The following RRAGD variants were observed in gnomAD, a reference collection of about 807,000 sequenced individuals.
RRAGD encodes the protein ras-related GTP-binding protein D.
A neutral mutation model predicts 35.5 loss-of-function variants in RRAGD; 12 were observed. The observed-to-expected ratio is 0.34, with a 90% CI of 0.22 to 0.55. The LOEUF (loss-of-function observed/expected upper bound fraction) is 0.55, where lower values mean the gene tolerates loss of function less well. Among genes scored for constraint, RRAGD ranks in the 20% least tolerant of loss-of-function variants. The pLI is 0.91. For synonymous variants in RRAGD, 155 were observed against 178.9 expected (o/e 0.87, Z 1.07); for missense variants, 324 against 490.1 (o/e 0.66, Z 3.20).
chr6:89,386,990 C>T (rs1176293933), intron 2 of RRAGD, among the ~76,000 whole-genome samples: 5 of 152,152 alleles, frequency 3.3e-5, no homozygotes, highest in Non-Finnish European at 7.3e-5. Context: ...AACCTGTGAT[C>T]TTTTGTAGAT....
chr6:89,384,108 A>T (rs950122234), intron 2 of RRAGD, among the ~76,000 whole-genome samples: 2 of 151,920 alleles, frequency 1.3e-5, no homozygotes, highest in Non-Finnish European at 2.9e-5. Context: ...TCTAAAAAAA[A>T]AAAAAAAGAA....
chr6:89,406,028 T>G (rs1361842987), intron 1 of RRAGD, among the ~76,000 whole-genome samples: 1 of 152,220 alleles, frequency 6.6e-6, no homozygotes, highest in Admixed American at 6.5e-5. Context: ...ACACATATTT[T>G]TCAAAGGCAT....
chr6:89,400,063 C>T (rs549088701), intron 1 of RRAGD, among the ~76,000 whole-genome samples: 1 of 152,278 alleles, frequency 6.6e-6, no homozygotes, highest in African/African-American at 2.4e-5. Flanking sequence ...CTGTTTGTAA[C>T]ATTTAATACT....
intron 1 of RRAGD, among the ~76,000 whole-genome samples, chr6:89,392,362 C>T (rs1459527789): frequency 6.6e-6 from 1 of 151,832 alleles, no homozygotes; most frequent in Admixed American, 6.6e-5. Flanking sequence ...CAGCTGTCAT[C>T]CCAGCCATTT....
Position 89,370,938 on chromosome 6 carries a change from A to C in RRAGD, c.1051+1499T>G, listed in dbSNP as rs1223819965. On this transcript the variant is annotated intron_variant, in intron 6 of 6. Transcript: ENST00000369415. The stretch of plus-strand genomic sequence containing the variant: ...CTAAATATTATTTCTAAATTTTCTA[A>C]AAGAATCTATTACTTTTCTGATAAA... 4.0e-5 allele frequency among the ~76,000 whole-genome samples: 6 copies of C among 151,358 alleles called. 1 individual carries two copies. Among genetic ancestry groups the C allele is most frequent in the African/African-American group, 1.4e-4 (6 of 41,526 alleles).
At position 89,411,761 on chromosome 6, in the gene RRAGD, G is replaced by A. The variant is rs1769699529; in HGVS notation, c.148+85C>T. 2.1e-6 allele frequency: 3 copies of A among 1,425,230 alleles called. No homozygotes were observed. Among genetic ancestry groups the A allele is most frequent in the Non-Finnish European group, 2.8e-6 (3 of 1,070,090 alleles). 88.3% of individuals were successfully genotyped at this position (1,425,230 alleles called of 1,614,324 possible). A position where few individuals can be genotyped will look rare whatever the true frequency, so the allele number is the denominator to read the frequency against. On this transcript the variant is annotated intron_variant, in intron 1 of 6. Coordinates refer to ENST00000369415, the MANE Select transcript of RRAGD (RefSeq NM_021244.5). This position sits in a 1 kb window ranked among gnomAD's most constrained non-coding sequence, Gnocchi z 5.6. ...CCCCTGGACCCCCTCCAAGTCGGTGGCTCGCGCACGGCCGGGCTGGGGGCG... is the reference window on the plus strand; with the variant it reads ...CCCCTGGACCCCCTCCAAGTCGGTGACTCGCGCACGGCCGGGCTGGGGGCG...
At chr6:89,397,536 G>A (rs1273134508) in intron 1 of RRAGD, among the ~76,000 whole-genome samples, 2 of 151,664 alleles carry the variant, frequency 1.3e-5, no homozygotes, top group Non-Finnish European at 2.9e-5. Context: ...CCCGGGAGGC[G>A]GAGCTTGCAG....
chr6:89,392,019 A>G (rs1769244141), intron 1 of RRAGD, among the ~76,000 whole-genome samples: 1 of 151,926 alleles, frequency 6.6e-6, no homozygotes, highest in Admixed American at 6.6e-5. Flanking sequence ...ACCTTTGTGA[A>G]TATACTAAAA....
Position 89,387,420 on chromosome 6 carries a change from T to G in RRAGD, c.319A>C (p.Asn107His). 1 of 1,614,200 alleles carries G rather than the reference T, an allele frequency of 6.2e-7. No homozygotes were observed. The change falls in exon 2 of 7, where the codon AAC (asparagine) becomes CAC (histidine). Residue 107 changes from asparagine (N) to histidine (H), a missense_variant. Transcript: ENST00000369415. Reference sequence around the variant, plus strand: ...ATCTGAAAATTGACAAAGGAGCTGTTGGAAACATCTTCCCGGCATATCTTA... The same window carrying G: ...ATCTGAAAATTGACAAAGGAGCTGTGGGAAACATCTTCCCGGCATATCTTA... ...TNKICREDVS[N>H]SSFVNFQIWD...
chr6:89,402,824 G>A (rs550368010), intron 1 of RRAGD, among the ~76,000 whole-genome samples: 31 of 152,246 alleles, frequency 2.0e-4, no homozygotes, highest in African/African-American at 7.2e-4. Context: ...TGAAAGTGAG[G>A]GCATGTTTGA....
chr6:89,400,772 C>G (rs1190451490), intron 1 of RRAGD, among the ~76,000 whole-genome samples: 1 of 152,052 alleles, frequency 6.6e-6, no homozygotes, highest in Admixed American at 6.5e-5. Context: ...TACCCTCTGC[C>G]TCAGGCTTCT....
intron 1 of RRAGD, among the ~76,000 whole-genome samples, chr6:89,405,239 AGCT>A (rs1376840272): frequency 3.3e-5 from 5 of 150,746 alleles, no homozygotes; most frequent in Admixed American, 1.3e-4. Context: ...CTGTAGTCCC[AGCT>A]GCTGGGGAGG....
At chr6:89,387,137 C>A (rs554147239) in intron 2 of RRAGD, among the ~76,000 whole-genome samples, 158 bp downstream of exon 2, 27 of 152,294 alleles carry the variant, frequency 1.8e-4, no homozygotes, top group African/African-American at 6.5e-4. Context: ...TTGGTCACGG[C>A]TGGAGCCTTT....
chr6:89,411,966 G>A lies in RRAGD; in HGVS notation c.28C>T (p.Pro10Ser). The part of the protein sequence containing the change: MSQVLGKPQ[P>S]QDEDDAEEEE... ...TCCTCCGCGTCGTCCTCGTCCTGCG[G>A]CTGCGGCTTCCCCAGCACCTGGCTC... The change falls in exon 1 of 7, where the codon CCG (proline) becomes TCG (serine). Residue 10 changes from proline to serine, a missense_variant. Pro to Ser is a moderately conservative substitution (Grantham distance 74, BLOSUM62 -1). Transcript: ENST00000369415. This position sits in a 1 kb window ranked among gnomAD's most constrained non-coding sequence, Gnocchi z 5.6. 6.5e-7 allele frequency: 1 copy of A among 1,536,966 alleles called. No individual in the cohort carries two copies.
chr6:89,391,173 C>T (rs1418492707), intron 1 of RRAGD, among the ~76,000 whole-genome samples: 1 of 151,686 alleles, frequency 6.6e-6, no homozygotes, highest in African/African-American at 2.4e-5. Flanking sequence ...TTGCTTGAGG[C>T]CAGGAGTTCA....
At chr6:89,401,774 C>T (rs1487484021) in intron 1 of RRAGD, among the ~76,000 whole-genome samples, 1 of 152,214 alleles carries the variant, frequency 6.6e-6, no homozygotes, top group Non-Finnish European at 1.5e-5. Context: ...GGCACTATCA[C>T]TTCCTGGGCC....
chr6:89,379,476 C>T (rs1769005942), intron 3 of RRAGD, 138 bp from the exon 4 acceptor site: 2 of 409,258 alleles, frequency 4.9e-6, no homozygotes, highest in Admixed American at 4.4e-5. Context: ...TCAGAATTTA[C>T]AGTGACCTCG....
At chr6:89,409,799 G>C (rs1769660087) in intron 1 of RRAGD, among the ~76,000 whole-genome samples, 1 of 152,180 alleles carries the variant, frequency 6.6e-6, no homozygotes, top group Admixed American at 6.5e-5. Context: ...AAAGAACAGA[G>C]GCCAAAATAT....
Position 89,387,557 on chromosome 6 carries a change from A to G in RRAGD, c.182T>C (p.Val61Ala), listed in dbSNP as rs1022280211. The change falls in exon 2 of 7, where the codon GTG becomes GCG. Residue 61 changes from valine (V) to alanine (A), a missense_variant. Physicochemically the swap from Val to Ala is moderately conservative, Grantham distance 64. Around this residue, in one of 5 missense-constraint regions of RRAGD, gnomAD observed 7 missense variants for 16.5 expected, o/e 0.42. Coordinates refer to ENST00000369415, the MANE Select transcript of RRAGD (RefSeq NM_021244.5). ...GCCCATGAGCAGGATTCTCGGCTTC[A>G]CTTCAGTGCTGAAGGGGTCACTGAA... ...LDFSDPFSTE[V>A]KPRILLMGLR... 2 of 1,614,026 alleles carry G rather than the reference A, an allele frequency of 1.2e-6. No homozygotes were observed. Among genetic ancestry groups the G allele is most frequent in the African/African-American group, 2.7e-5 (2 of 74,914 alleles).
Sources: gnomAD v4.1 joint callset for allele counts (sites outside exome capture counted in the v4.1 genomes callset) on GRCh38, gnomAD v4.1.1 for gene constraint, gnomAD v4.1.1 regional missense constraint, Gnocchi (gnomAD v3.1) non-coding constraint, MANE v1.5 for transcripts, NCBI Gene and HGNC (gene_info 2026-07-23, HGNC 2026-07-21) for gene names.